Variants in PAM observed in about 807,000 individuals in gnomAD.
PAM encodes the protein peptidylglycine alpha-amidating monooxygenase, also known as peptidyl-glycine alpha-amidating monooxygenase.
In PAM, 72 loss-of-function variants were observed where a neutral mutation model predicts 122.1. The observed-to-expected ratio is 0.59, with a 90% CI of 0.49 to 0.72. The LOEUF (loss-of-function observed/expected upper bound fraction) is 0.72, where lower values mean the gene tolerates loss of function less well. PAM is among the 30% of genes least tolerant of loss of function. PAM has a pLI of 0.00. For missense variants in PAM, 1,106 were observed against 1,183.7 expected (o/e 0.93, Z 0.96); for synonymous variants, 389 against 404.4 (o/e 0.96, Z 0.46).
chr5:102,897,757 A>G (rs1204538902), intron 3 of PAM, among the ~76,000 whole-genome samples: 2 of 151,700 alleles, frequency 1.3e-5, no homozygotes, highest in Non-Finnish European at 3.0e-5. Flanking sequence ...AGGATTCTGT[A>G]CAATAAAAGG....
intron 1 of PAM, among the ~76,000 whole-genome samples, chr5:102,855,901 G>C (rs1782505454): frequency 6.6e-6 from 1 of 151,832 alleles, no homozygotes; most frequent in Non-Finnish European, 1.5e-5. Flanking sequence ...AAAGAAACTA[G>C]TAACACAAAG....
intron 14 of PAM, among the ~76,000 whole-genome samples, chr5:102,963,482 TATC>T (rs906109503): frequency 3.3e-5 from 5 of 152,036 alleles, no homozygotes; most frequent in African/African-American, 1.2e-4. Flanking sequence ...AAACTTCACT[TATC>T]ACTTTATTTG....
chr5:102,840,975 A>T, intron 1 of PAM, among the ~76,000 whole-genome samples: 1 of 152,200 alleles, frequency 6.6e-6, no homozygotes, highest in East Asian at 1.9e-4. Flanking sequence ...GGGTATTTTT[A>T]TTTAATAACT....
intron 1 of PAM, among the ~76,000 whole-genome samples, chr5:102,799,218 T>A (rs1188606659): frequency 3.3e-5 from 5 of 152,318 alleles, no homozygotes; most frequent in African/African-American, 9.6e-5. Context: ...ACAAACAGGA[T>A]GCTTTGCACT....
At chr5:102,994,475 A>C (rs771528167) in intron 16 of PAM, among the ~76,000 whole-genome samples, 2 of 152,118 alleles carry the variant, frequency 1.3e-5, no homozygotes, top group Non-Finnish European at 2.9e-5. Context: ...CTCCCCTTTA[A>C]GTGTTTCGCC....
chr5:103,007,056 T>C, intron 19 of PAM, 45 bp downstream of exon 19: 2 of 1,378,524 alleles, frequency 1.5e-6, no homozygotes, highest in Non-Finnish European at 2.0e-6. Context: ...TCTTAGCCAG[T>C]ATCACTGGGA....
Position 103,005,218 on chromosome 5 carries a change from C to G in PAM, c.1795C>G (p.Leu599Val), listed in dbSNP as rs376782807. 2.2e-6 allele frequency: 3 copies of G among 1,349,682 alleles called. No individual in the cohort carries two copies. The highest frequency in any genetic ancestry group is 3.2e-6 in the Non-Finnish European group (3 of 940,680). 83.6% of individuals were successfully genotyped at this position (1,349,682 alleles called of 1,614,324 possible). ...DGNYWVTDVA[L>V]HQVFKLDPNN... is the part of the protein sequence containing the mutation. ...GAATTATTGGGTCACAGACGTGGCTCTCCATCAGGTAGTCTTCCTTTTGGT... is the reference window on the plus strand; with the variant it reads ...GAATTATTGGGTCACAGACGTGGCTGTCCATCAGGTAGTCTTCCTTTTGGT... The change falls in exon 18 of 26, where the codon CTC becomes GTC. Residue 599 changes from leucine to valine, a missense_variant. This residue lies in a region of PAM where 103 missense variants were observed against 157.9 expected (regional missense o/e 0.65). Coordinates refer to ENST00000438793, the MANE Select transcript of PAM (RefSeq NM_001177306.2).
intron 3 of PAM, among the ~76,000 whole-genome samples, chr5:102,893,601 AT>A (rs1266757123): frequency 1.3e-5 from 2 of 151,820 alleles, no homozygotes; most frequent in Non-Finnish European, 2.9e-5. Context: ...TTACTCTTTC[AT>A]GTGAAAAGTA....
At chr5:102,924,188 T>G (rs1224254459) in intron 5 of PAM, among the ~76,000 whole-genome samples, 2 of 152,006 alleles carry the variant, frequency 1.3e-5, no homozygotes, top group African/African-American at 2.4e-5. Flanking sequence ...TCCCAGCACT[T>G]TGGGAGGCTG....
At chr5:102,817,326 C>T (rs1221020340) in intron 1 of PAM, among the ~76,000 whole-genome samples, 1 of 151,794 alleles carries the variant, frequency 6.6e-6, no homozygotes, top group East Asian at 1.9e-4. Flanking sequence ...ATATGGTAGC[C>T]ACTTGCTACA....
At position 103,003,065 on chromosome 5, in the gene PAM, T is replaced by G. The variant is rs765085875; in HGVS notation, c.1646T>G (p.Ile549Arg). ...SFDSKFVYQQ[I>R]GLGPIEEDTI... ...GACAGCAAGTTTGTTTACCAGCAAA[T>G]AGGACTCGGACCAATTGAAGAAGAC... Residue 549 changes from isoleucine to arginine, a missense_variant, in exon 17 of 26, where the codon ATA (isoleucine) becomes AGA (arginine). By Grantham distance (97) the Ile-to-Arg change is moderately conservative. Coordinates refer to ENST00000438793, the MANE Select transcript of PAM (RefSeq NM_001177306.2). 2 of 1,604,216 alleles carry G rather than the reference T, an allele frequency of 1.2e-6. No homozygotes were observed. The highest frequency in any genetic ancestry group is 1.7e-6 in the Non-Finnish European group (2 of 1,171,372).
intron 1 of PAM, among the ~76,000 whole-genome samples, chr5:102,833,578 A>G (rs900230512): frequency 3.9e-5 from 6 of 152,316 alleles, no homozygotes; most frequent in East Asian, 1.9e-4. Flanking sequence ...GCATAAAAGT[A>G]TGTTTGACAC....
chr5:102,927,715 T>C (rs1340365073), intron 7 of PAM, among the ~76,000 whole-genome samples: 1 of 150,918 alleles, frequency 6.6e-6, no homozygotes, highest in Non-Finnish European at 1.5e-5. Context: ...TCATTGAAAA[T>C]GTACTATAAT....
chr5:102,759,126 A>T (rs913985689), intron 1 of PAM, among the ~76,000 whole-genome samples: 66 of 152,204 alleles, frequency 4.3e-4, no homozygotes, highest in Non-Finnish European at 6.3e-4. Context: ...GAAAATTTTT[A>T]AAAAATTATA....
At chr5:102,967,459 G>A (rs1052696189) in intron 14 of PAM, among the ~76,000 whole-genome samples, 3 of 152,106 alleles carry the variant, frequency 2.0e-5, no homozygotes, top group African/African-American at 7.2e-5. Context: ...AGATGCAAGG[G>A]CTGACATTTT....
In PAM at chr5:103,029,132, G is replaced by A. The variant is rs1347679435; in HGVS notation, c.*67G>A. ...TGTCAGATTCCTTTCCCTTTAGCAC[G>A]TTTAAAGTTCTGTGTATTTAATTGT... On this transcript the variant is annotated 3_prime_UTR_variant, in exon 26 of 26. Transcript: ENST00000438793. 2.6e-5 allele frequency: 34 copies of A among 1,300,636 alleles called. No individual in the cohort carries two copies. The highest frequency in any genetic ancestry group is 1.9e-4 in the Middle Eastern group (1 of 5,206). 80.6% of individuals were successfully genotyped at this position (1,300,636 alleles called of 1,614,324 possible). A position where few individuals can be genotyped will look rare whatever the true frequency, so the allele number is the denominator to read the frequency against.
At chr5:102,940,022 T>C (rs551561007) in intron 7 of PAM, among the ~76,000 whole-genome samples, 62 of 151,852 alleles carry the variant, frequency 4.1e-4, no homozygotes, top group African/African-American at 1.4e-3. Flanking sequence ...TCTTTAGAGG[T>C]TTAAGTAAAA....
At chr5:103,016,677 G>A (rs1015214838) in intron 21 of PAM, among the ~76,000 whole-genome samples, 18 of 152,118 alleles carry the variant, frequency 1.2e-4, no homozygotes, top group African/African-American at 4.3e-4. Flanking sequence ...TCTGAAGTAG[G>A]GACAAAAGCC....
chr5:102,990,545 A>T, intron 16 of PAM, 144 bp downstream of exon 16: 1 of 550,860 alleles, frequency 1.8e-6, no homozygotes, highest in Non-Finnish European at 3.1e-6. Context: ...TGTCCTTTTA[A>T]TGTCTGACTG....
Sources: gnomAD v4.1 joint callset for allele counts (sites outside exome capture counted in the v4.1 genomes callset) on GRCh38, gnomAD v4.1.1 for gene constraint, gnomAD v4.1.1 regional missense constraint, MANE v1.5 for transcripts, NCBI Gene and HGNC (gene_info 2026-07-23, HGNC 2026-07-21) for gene names.